Variants in ATF6 observed in about 807,000 individuals in gnomAD.
ATF6 encodes cyclic AMP-dependent transcription factor ATF-6 alpha.
In ATF6, 53 loss-of-function variants were observed where a neutral mutation model predicts 83.6. The ratio of observed to expected loss-of-function variants is 0.63; its 90% CI spans 0.51 to 0.80. The LOEUF (loss-of-function observed/expected upper bound fraction) is 0.80, where lower values mean the gene tolerates loss of function less well. Ranked by LOEUF, ATF6 falls within the 30% of genes least tolerant of loss-of-function variation. The pLI, the probability that ATF6 is intolerant of heterozygous loss-of-function variation, is 0.00. For missense variants in ATF6, 744 were observed against 797.9 expected, an observed-to-expected ratio of 0.93 and a Z score of 0.81; for synonymous variants, 288 against 285.8, an observed-to-expected ratio of 1.01 and a Z score of -0.08.
At chr1:161,887,343 G>A (rs1266691861) in intron 14 of ATF6, among the ~76,000 whole-genome samples, 1 of 152,068 alleles carries the variant, frequency 6.6e-6, no homozygotes, top group Non-Finnish European at 1.5e-5. Flanking sequence ...GCCTCCTAAA[G>A]TGCTGGGATT....
intron 14 of ATF6, among the ~76,000 whole-genome samples, chr1:161,876,152 A>G (rs1687212829): frequency 6.6e-6 from 1 of 152,000 alleles, no homozygotes; most frequent in Non-Finnish European, 1.5e-5. Context: ...TTTGTTGCCA[A>G]GCATTCCTAT....
intron 14 of ATF6, among the ~76,000 whole-genome samples, chr1:161,887,323 G>T (rs563144973): frequency 6.6e-6 from 1 of 151,710 alleles, no homozygotes; most frequent in Non-Finnish European, 1.5e-5. Context: ...CAACTGATCC[G>T]CCTGCCTTGG....
intron 14 of ATF6, among the ~76,000 whole-genome samples, chr1:161,905,317 A>G (rs775933601): frequency 1.1e-4 from 17 of 152,182 alleles, no homozygotes; most frequent in Non-Finnish European, 2.2e-4. Flanking sequence ...GTCTCAACCC[A>G]ATATGTTCCT....
intron 3 of ATF6, among the ~76,000 whole-genome samples, chr1:161,782,846 T>G (rs1684668637): frequency 6.6e-6 from 1 of 152,238 alleles, no homozygotes; most frequent in Admixed American, 6.5e-5. Flanking sequence ...TTTATTAGAT[T>G]GCTAGAATCT....
intron 14 of ATF6, among the ~76,000 whole-genome samples, chr1:161,875,229 G>A (rs1256711301): frequency 6.6e-6 from 1 of 151,604 alleles, no homozygotes; most frequent in African/African-American, 2.4e-5. Context: ...GATAATTGTG[G>A]GTATTCTTTG....
At chr1:161,954,400 G>A (rs986008377) in intron 15 of ATF6, among the ~76,000 whole-genome samples, 2 of 152,174 alleles carry the variant, frequency 1.3e-5, no homozygotes, top group African/African-American at 4.8e-5. Flanking sequence ...CCTGTCACCA[G>A]CCTAGTTTAC....
At chr1:161,799,681 C>T (rs780755430) in intron 6 of ATF6, among the ~76,000 whole-genome samples, 2 of 152,168 alleles carry the variant, frequency 1.3e-5, no homozygotes, top group Non-Finnish European at 2.9e-5. Flanking sequence ...ATTGTATCTA[C>T]TCCAAATCCA....
intron 9 of ATF6, among the ~76,000 whole-genome samples, chr1:161,830,088 A>G (rs534983904): frequency 6.6e-6 from 1 of 152,352 alleles, no homozygotes; most frequent in South Asian, 2.1e-4. Flanking sequence ...CTGATAAGCA[A>G]CTTCAGCAAA....
At chr1:161,853,896 A>G (rs1041518703) in intron 12 of ATF6, among the ~76,000 whole-genome samples, 17 of 152,244 alleles carry the variant, frequency 1.1e-4, no homozygotes, top group African/African-American at 3.4e-4. Context: ...TGGCATCTGC[A>G]AGTTCCCAAT....
chr1:161,871,376 T>G lies in ATF6; in HGVS notation c.1719+8064T>G, dbSNP rs112362929. On this transcript the variant is annotated intron_variant, in intron 14 of 15. Coordinates refer to ENST00000367942, the MANE Select transcript of ATF6 (RefSeq NM_007348.4). ...GGAGGTGGGAGAGGAGCAGAAAAAATAACTATTGAGTAACCAGGCTTACTA... is the reference window on the plus strand; with the variant it reads ...GGAGGTGGGAGAGGAGCAGAAAAAAGAACTATTGAGTAACCAGGCTTACTA... 4.6e-3 allele frequency among the ~76,000 whole-genome samples: 701 copies of G among 151,318 alleles called. 10 individuals carry two copies. The highest frequency in any genetic ancestry group is 0.017 in the African/African-American group (684 of 41,386).
rs1684713822 is a variant in ATF6, at chr1:161,784,997, T to C, written c.354+901T>C. On this transcript the variant is annotated intron_variant, in intron 4 of 15. Coordinates refer to ENST00000367942, the MANE Select transcript of ATF6 (RefSeq NM_007348.4). ...TTCCCAGTCCTTACAAGGATGAAAT[T>C]TAAATTCCCAGAGTACTAGGCTTTC... Among the ~76,000 whole-genome samples, 6 of 152,350 alleles carry C rather than the reference T, an allele frequency of 3.9e-5. No homozygotes were observed. The South Asian group carries it at 1.0e-3, about 26-fold the overall frequency.
At chr1:161,827,158 C>T (rs1359690706) in intron 9 of ATF6, among the ~76,000 whole-genome samples, 1 of 152,076 alleles carries the variant, frequency 6.6e-6, no homozygotes, top group East Asian at 1.9e-4. Context: ...GTCTCGAACT[C>T]CTGACCTTGT....
At chr1:161,879,154 G>C (rs1008232402) in intron 14 of ATF6, among the ~76,000 whole-genome samples, 2 of 152,100 alleles carry the variant, frequency 1.3e-5, no homozygotes, top group African/African-American at 4.8e-5. Context: ...GTTCCAGGAA[G>C]ATAAAGAGAA....
intron 15 of ATF6, among the ~76,000 whole-genome samples, chr1:161,957,685 C>T (rs969689275): frequency 6.6e-6 from 1 of 152,136 alleles, no homozygotes; most frequent in Non-Finnish European, 1.5e-5. Flanking sequence ...TATGGTTTTC[C>T]CATTCCCTTC....
intron 8 of ATF6, 35 bp downstream of exon 8, chr1:161,819,853 C>T (rs1350869315): frequency 3.3e-6 from 5 of 1,521,054 alleles, no homozygotes; most frequent in Non-Finnish European, 4.4e-6. Flanking sequence ...TCGAGATGGG[C>T]TAAAGTATCC....
At chr1:161,892,955 C>T (rs7532448) in intron 14 of ATF6, among the ~76,000 whole-genome samples, 137,233 of 152,156 alleles carry the variant, frequency 0.9, 62,027 homozygotes, top group African/African-American at 0.96. Flanking sequence ...CTTTAAAGAC[C>T]CTAAAATGTG....
intron 9 of ATF6, among the ~76,000 whole-genome samples, chr1:161,821,494 A>G (rs748795971): frequency 6.6e-6 from 1 of 152,198 alleles, no homozygotes; most frequent in Non-Finnish European, 1.5e-5. Flanking sequence ...TATAAGGGAG[A>G]TACCTACGAA....
intron 15 of ATF6, among the ~76,000 whole-genome samples, chr1:161,944,034 T>A (rs1313281386): frequency 1.3e-5 from 2 of 152,094 alleles, no homozygotes; most frequent in Admixed American, 6.5e-5. Context: ...GAAAACAGAT[T>A]AGAAAATAGA....
At chr1:161,881,209 G>A (rs1003143101) in intron 14 of ATF6, among the ~76,000 whole-genome samples, 2 of 152,070 alleles carry the variant, frequency 1.3e-5, no homozygotes, top group African/African-American at 4.8e-5. Flanking sequence ...CAGGAGTCCA[G>A]GCATAGATTT....
Sources: allele counts gnomAD v4.1 joint callset (sites outside exome capture counted in the v4.1 genomes callset), GRCh38; gene constraint gnomAD v4.1.1; transcripts MANE v1.5; gene names NCBI Gene and HGNC (gene_info 2026-07-23, HGNC 2026-07-21).